Variants in LSP1 observed in about 807,000 individuals in gnomAD.
LSP1 encodes lymphocyte specific protein 1.
In LSP1, 32 loss-of-function variants were observed where a neutral mutation model predicts 49.3. The ratio of observed to expected loss-of-function variants is 0.65; its 90% CI spans 0.49 to 0.87. The LOEUF is 0.87. Ranked by LOEUF, LSP1 falls within the 40% of genes least tolerant of loss-of-function variation. The pLI, the probability that LSP1 is intolerant of heterozygous loss-of-function variation, is 0.00. For synonymous variants in LSP1, 179 were observed against 178.8 expected, an observed-to-expected ratio of 1.00 and a Z score of -0.01; for missense variants, 428 against 442.6, an observed-to-expected ratio of 0.97 and a Z score of 0.30.
chr11:1,868,818 C>T, intron 1 of LSP1: 1 of 985,782 alleles, frequency 1.0e-6, no homozygotes, highest in South Asian at 4.7e-5. Flanking sequence ...GGCTTCAGTC[C>T]CAGCCGGCGA....
At chr11:1,854,701 C>T (rs753649033) in intron 1 of LSP1, among the ~76,000 whole-genome samples, 2 of 152,018 alleles carry the variant, frequency 1.3e-5, no homozygotes, top group South Asian at 2.1e-4. Context: ...CTGCCCAGGC[C>T]GTGTGCAGGG....
intron 1 of LSP1, among the ~76,000 whole-genome samples, chr11:1,863,006 G>A (rs1356700980): frequency 6.6e-6 from 1 of 152,156 alleles, no homozygotes; most frequent in Non-Finnish European, 1.5e-5. Context: ...CTTCCTCCTG[G>A]GTTGTGCCGG....
chr11:1,867,325 C>T (rs575270542), intron 1 of LSP1, among the ~76,000 whole-genome samples: 22 of 152,082 alleles, frequency 1.4e-4, no homozygotes, highest in African/African-American at 4.6e-4. Context: ...ACCCAGAGGC[C>T]GCTGCACCCC....
chr11:1,881,568 A>G lies in LSP1; in HGVS notation c.328A>G (p.Arg110Gly), dbSNP rs777226710. 1.3e-6 allele frequency: 2 copies of G among 1,525,234 alleles called. No individual in the cohort carries two copies. Among genetic ancestry groups the G allele is most frequent in the Admixed American group, 2.1e-5 (1 of 47,430 alleles). 94.5% of individuals were successfully genotyped at this position (1,525,234 alleles called of 1,614,324 possible). A position where few individuals can be genotyped will look rare whatever the true frequency, so the allele number is the denominator to read the frequency against. The change falls in exon 3 of 11, where the codon AGG becomes GGG. Residue 110 changes from arginine to glycine, a missense_variant. Transcript: ENST00000311604. ...GGACAGCGGAGAGCCCCCCCAGTGC[A>G]GGAGTCCTGAGGGGGAGCAAGAGGA... ...ALDSGEPPQC[R>G]SPEGEQEDRP... is the part of the protein sequence containing the mutation.
At chr11:1,869,667 CGGGCGGTAGGA>C (rs1307967309) in intron 1 of LSP1, 7 of 456,676 alleles carry the variant, frequency 1.5e-5, no homozygotes, top group African/African-American at 1.1e-4. Flanking sequence ...GCTCCAAAGA[CGGGCGGTAGGA>C]GGAAGATCAA....
intron 3 of LSP1, among the ~76,000 whole-genome samples, chr11:1,882,257 G>C (rs1848576887): frequency 6.6e-6 from 1 of 152,052 alleles, no homozygotes; most frequent in African/African-American, 2.4e-5. Context: ...CCGCCCTGCA[G>C]GGCCTGGGCC....
intron 4 of LSP1, 50 bp from the exon 5 acceptor site, chr11:1,883,882 G>T: frequency 6.6e-7 from 1 of 1,518,642 alleles, no homozygotes; most frequent in Non-Finnish European, 8.9e-7. Context: ...GGCAGGGCAG[G>T]AGGGGCACAA....
intron 2 of LSP1, chr11:1,881,136 C>G (rs1400845639): frequency 8.7e-6 from 3 of 343,270 alleles, no homozygotes; most frequent in Non-Finnish European, 1.6e-5. Flanking sequence ...GAGGCATAGC[C>G]CTGCCCTCAG....
chr11:1,857,107 C>T (rs1450733152), intron 1 of LSP1, among the ~76,000 whole-genome samples: 1 of 152,208 alleles, frequency 6.6e-6, no homozygotes, highest in Non-Finnish European at 1.5e-5. Context: ...CCCAGGGAAG[C>T]AGAAGGATGT....
chr11:1,880,524 C>T (rs552176850), intron 2 of LSP1, among the ~76,000 whole-genome samples: 6 of 152,298 alleles, frequency 3.9e-5, no homozygotes, highest in East Asian at 1.9e-4. Flanking sequence ...TGGCCGAGCC[C>T]CCCACCAGAC....
chr11:1,890,374 C>T (rs922873273), intron 10 of LSP1: 2 of 716,772 alleles, frequency 2.8e-6, no homozygotes, highest in Non-Finnish European at 5.2e-6. Flanking sequence ...TGGCTGGCCT[C>T]ACTCACGGGG....
At chr11:1,876,852 C>T (rs1589822102) in intron 1 of LSP1, among the ~76,000 whole-genome samples, 1 of 152,280 alleles carries the variant, frequency 6.6e-6, no homozygotes, top group East Asian at 1.9e-4. Flanking sequence ...CGTCAGAGTT[C>T]TGTGCATACT....
intron 1 of LSP1, among the ~76,000 whole-genome samples, chr11:1,858,710 C>G (rs1026570678): frequency 6.6e-6 from 1 of 152,226 alleles, no homozygotes; most frequent in Non-Finnish European, 1.5e-5. Flanking sequence ...AGACTCTCTA[C>G]AGCCGGCCCA....
chr11:1,884,104 C>T lies in LSP1; in HGVS notation c.591+80C>T. On this transcript the variant is annotated intron_variant, in intron 5 of 10. Coordinates refer to ENST00000311604, the MANE Select transcript of LSP1 (RefSeq NM_002339.3). This position sits in a 1 kb window ranked among gnomAD's most constrained non-coding sequence, Gnocchi z 4.1. Reference sequence around the variant, plus strand: ...AAAGGCCAATCCCACATGCCAGCCACAGGAAGACCAGGCCCAGGCCTGGCT... The same window carrying T: ...AAAGGCCAATCCCACATGCCAGCCATAGGAAGACCAGGCCCAGGCCTGGCT... 6.8e-7 allele frequency: 1 copy of T among 1,478,558 alleles called. No homozygotes were observed. The highest frequency in any genetic ancestry group is 9.3e-7 in the Non-Finnish European group (1 of 1,070,164). 91.6% of individuals were successfully genotyped at this position (1,478,558 alleles called of 1,614,324 possible). A position where few individuals can be genotyped will look rare whatever the true frequency, so the allele number is the denominator to read the frequency against.
chr11:1,888,773 A>T (rs1054441260), intron 10 of LSP1: 3 of 202,912 alleles, frequency 1.5e-5, no homozygotes, highest in Non-Finnish European at 2.9e-5. Flanking sequence ...AGCAAAAGGG[A>T]GGATCAGTGA....
intron 1 of LSP1, chr11:1,866,571 C>G: frequency 6.5e-7 from 1 of 1,549,288 alleles, no homozygotes; most frequent in Non-Finnish European, 8.7e-7. Flanking sequence ...GCTGGGCACA[C>G]CTCATCCCAG....
intron 1 of LSP1, among the ~76,000 whole-genome samples, chr11:1,877,246 G>A (rs1306277100): frequency 6.6e-6 from 1 of 152,178 alleles, no homozygotes; most frequent in African/African-American, 2.4e-5. Flanking sequence ...GAATAGTGAG[G>A]GGGTGAGGTC....
At chr11:1,874,489 G>A (rs1405144511) in intron 1 of LSP1, among the ~76,000 whole-genome samples, 2 of 152,148 alleles carry the variant, frequency 1.3e-5, no homozygotes, top group African/African-American at 4.8e-5. Flanking sequence ...AGGGTGGGGT[G>A]GGCTCTGGAC....
At chr11:1,864,063 G>GAA in intron 1 of LSP1, 1 of 391,214 alleles carries the variant, frequency 2.6e-6, no homozygotes, top group Non-Finnish European at 3.4e-6. Context: ...GGGAGGAGGG[G>GAA]AGAGGAAGGG....
Sources: gnomAD v4.1 joint callset for allele counts (sites outside exome capture counted in the v4.1 genomes callset) on GRCh38, gnomAD v4.1.1 for gene constraint, Gnocchi (gnomAD v3.1) non-coding constraint, MANE v1.5 for transcripts, NCBI Gene and HGNC (gene_info 2026-07-23, HGNC 2026-07-21) for gene names.